Variants in CCDC15 observed in about 807,000 individuals in gnomAD.
The protein encoded by CCDC15 is coiled-coil domain-containing protein 15.
Under a neutral mutation model 114.5 loss-of-function variants are expected in CCDC15, and 105 were observed. The ratio of observed to expected loss-of-function variants is 0.92; its 90% CI spans 0.78 to 1.08. CCDC15 has a LOEUF of 1.08. CCDC15 is among the 50% of genes least tolerant of loss of function. The probability of loss-of-function intolerance (pLI) is 0.00; values close to 1 mark genes in which losing one functional copy is unlikely to be tolerated. For synonymous variants in CCDC15, 334 were observed against 377.8 expected, an observed-to-expected ratio of 0.88 and a Z score of 1.34; for missense variants, 1,105 against 1,093.6, an observed-to-expected ratio of 1.01 and a Z score of -0.15.
At position 125,040,809 on chromosome 11, in the gene CCDC15, T is replaced by A; in HGVS notation, c.*98T>A. ...GCTGTTCAAGTTATAAAATATATAA[T>A]CTGGGAAGAAATACTGTCTCATATA... On this transcript the variant is annotated 3_prime_UTR_variant, in exon 16 of 16. Coordinates refer to ENST00000344762, the MANE Select transcript of CCDC15 (RefSeq NM_025004.3). 9.4e-7 allele frequency: 1 copy of A among 1,058,482 alleles called. No individual in the cohort carries two copies. The highest frequency in any genetic ancestry group is 1.4e-6 in the Non-Finnish European group (1 of 738,434). 65.6% of individuals were successfully genotyped at this position (1,058,482 alleles called of 1,614,324 possible). A position where few individuals can be genotyped will look rare whatever the true frequency, so the allele number is the denominator to read the frequency against.
intron 6 of CCDC15, 42 bp from the exon 7 acceptor site, chr11:124,986,700 T>TTTGTGTGCGC (rs1555068496): frequency 5.2e-6 from 7 of 1,352,950 alleles, no homozygotes; most frequent in Admixed American, 2.4e-5. Flanking sequence ...TTTGTGTGTG[T>TTTGTGTGCGC]GCGCGCGCGC....
chr11:124,986,677 G>GTA, intron 6 of CCDC15, 65 bp from the exon 7 acceptor site: 1 of 1,373,574 alleles, frequency 7.3e-7, no homozygotes, highest in South Asian at 1.5e-5. Context: ...CTGTGTGTGT[G>GTA]TGTGTGTGTG....
intron 2 of CCDC15, among the ~76,000 whole-genome samples, chr11:124,955,943 T>C (rs1021918109): frequency 6.6e-6 from 1 of 152,052 alleles, no homozygotes; most frequent in Non-Finnish European, 1.5e-5. Flanking sequence ...CCCAGGAAAG[T>C]GTAATGAAGA....
intron 13 of CCDC15, among the ~76,000 whole-genome samples, chr11:125,021,223 A>G (rs749294865): frequency 6.6e-6 from 1 of 151,820 alleles, no homozygotes; most frequent in East Asian, 1.9e-4. Context: ...AAATTCAGGG[A>G]AAGTATTGTG....
chr11:124,954,987 A>T, intron 2 of CCDC15, 78 bp downstream of exon 2: 1 of 1,270,606 alleles, frequency 7.9e-7, no homozygotes, highest in Non-Finnish European at 1.1e-6. Flanking sequence ...CTGGGTGCTT[A>T]AAGATGAACA....
In CCDC15 at chr11:124,954,924, G is replaced by A; in HGVS notation, c.177+15G>A. On this transcript the variant is annotated intron_variant, in intron 2 of 15. Coordinates refer to ENST00000344762, the MANE Select transcript of CCDC15 (RefSeq NM_025004.3). ...TCCCAGCATATGTGAGTGTCAGTTTGATCCAAATATGGTGGGGTTCCCCAC... is the reference window on the plus strand; with the variant it reads ...TCCCAGCATATGTGAGTGTCAGTTTAATCCAAATATGGTGGGGTTCCCCAC... The A allele has an allele frequency of 6.2e-7, 1 of 1,612,554 alleles. No individual in the cohort carries two copies. Among genetic ancestry groups the A allele is most frequent in the Non-Finnish European group, 8.5e-7 (1 of 1,178,774 alleles).
intron 13 of CCDC15, among the ~76,000 whole-genome samples, chr11:125,029,566 A>G (rs1183453525): frequency 6.6e-6 from 1 of 152,242 alleles, no homozygotes; most frequent in Non-Finnish European, 1.5e-5. Flanking sequence ...TACATGCACA[A>G]ACATGTTTTT....
intron 13 of CCDC15, among the ~76,000 whole-genome samples, chr11:125,013,280 G>T (rs1004536273): frequency 3.3e-5 from 5 of 152,192 alleles, no homozygotes; most frequent in African/African-American, 1.2e-4. Flanking sequence ...AGCTTAGTAT[G>T]AAGCATAAGG....
At chr11:124,971,078 T>G (rs1947871136) in intron 4 of CCDC15, among the ~76,000 whole-genome samples, 1 of 152,138 alleles carries the variant, frequency 6.6e-6, no homozygotes, top group Non-Finnish European at 1.5e-5. Context: ...GGCCGCCCCT[T>G]TAATAGGGCT....
chr11:124,955,701 T>C (rs2135422730), intron 2 of CCDC15, among the ~76,000 whole-genome samples: 1 of 152,348 alleles, frequency 6.6e-6, no homozygotes, highest in South Asian at 2.1e-4. Flanking sequence ...GGATGAGATA[T>C]GTTCCCTCAG....
At chr11:125,028,166 T>C (rs1348956977) in intron 13 of CCDC15, among the ~76,000 whole-genome samples, 1 of 152,234 alleles carries the variant, frequency 6.6e-6, no homozygotes, top group Non-Finnish European at 1.5e-5. Context: ...ACTATAGCTT[T>C]GTAGTATAGT....
chr11:125,024,207 A>G (rs1021906909), intron 13 of CCDC15, among the ~76,000 whole-genome samples: 2 of 151,926 alleles, frequency 1.3e-5, no homozygotes, highest in South Asian at 2.1e-4. Flanking sequence ...TGTTAATACT[A>G]TGAGGTTCTG....
chr11:124,963,156 A>C (rs1565354322), intron 4 of CCDC15, among the ~76,000 whole-genome samples: 1 of 152,192 alleles, frequency 6.6e-6, no homozygotes, highest in Non-Finnish European at 1.5e-5. Flanking sequence ...GGTATATACC[A>C]AGTAATGAGA....
At chr11:124,982,802 G>C (rs1948092822) in intron 6 of CCDC15, among the ~76,000 whole-genome samples, 1 of 152,072 alleles carries the variant, frequency 6.6e-6, no homozygotes, top group Admixed American at 6.5e-5. Flanking sequence ...ATTTTGCAGG[G>C]GTTCTCTGCA....
chr11:124,981,622 G>A (rs908824426), intron 6 of CCDC15, among the ~76,000 whole-genome samples: 1 of 151,812 alleles, frequency 6.6e-6, no homozygotes, highest in Admixed American at 6.6e-5. Flanking sequence ...CACTATTATT[G>A]TGTGGTTATC....
chr11:125,039,070 G>T lies in CCDC15; in HGVS notation c.2734+1G>T. On this transcript the variant is annotated splice_donor_variant, in intron 15 of 15. Transcript: ENST00000344762. LOFTEE classifies it high-confidence loss of function. ...TGTATTTTCTATAAAAACCACAGAG[G>T]TAAGTTTCTTGAAGGAATAGTCAGG... is the stretch of plus-strand genomic sequence containing the variant. 4 of 1,584,336 alleles carry T rather than the reference G, an allele frequency of 2.5e-6. No homozygotes were observed. Among genetic ancestry groups the T allele is most frequent in the Non-Finnish European group, 3.4e-6 (4 of 1,161,536 alleles).
At chr11:124,961,293 A>C (rs1408095320) in intron 4 of CCDC15, among the ~76,000 whole-genome samples, 1 of 152,208 alleles carries the variant, frequency 6.6e-6, no homozygotes, top group Non-Finnish European at 1.5e-5. Flanking sequence ...TATGGATTGT[A>C]GCGATACTAA....
At chr11:124,991,605 T>C (rs1565370303) in intron 9 of CCDC15, 22 bp downstream of exon 9, 2 of 1,579,298 alleles carry the variant, frequency 1.3e-6, no homozygotes, top group Admixed American at 1.8e-5. Flanking sequence ...GAAAAAGATA[T>C]AAACAGGAAG....
At chr11:125,028,686 A>T (rs1345226224) in intron 13 of CCDC15, among the ~76,000 whole-genome samples, 2 of 152,066 alleles carry the variant, frequency 1.3e-5, no homozygotes, top group Non-Finnish European at 2.9e-5. Flanking sequence ...CAGTTCTAGG[A>T]GCTTTTTGGA....
Sources: allele counts gnomAD v4.1 joint callset (sites outside exome capture counted in the v4.1 genomes callset), GRCh38; gene constraint gnomAD v4.1.1; transcripts MANE v1.5; gene names NCBI Gene and HGNC (gene_info 2026-07-23, HGNC 2026-07-21).